Variants in SLC2A9 observed in about 807,000 individuals in gnomAD.
SLC2A9 encodes solute carrier family 2 member 9.
SLC2A9 carries 39 observed loss-of-function variants against 50.6 expected under a neutral mutation model. The ratio of observed to expected loss-of-function variants is 0.77; its 90% CI spans 0.60 to 1.01. The LOEUF (loss-of-function observed/expected upper bound fraction) is 1.01. Ranked by LOEUF, SLC2A9 falls within the 50% of genes least tolerant of loss-of-function variation. SLC2A9 has a pLI of 0.00. For synonymous variants in SLC2A9, 324 were observed against 276.9 expected (o/e 1.17, Z -1.69); for missense variants, 686 against 677.6 (o/e 1.01, Z -0.14).
At chr4:9,941,806 A>G in intron 6 of SLC2A9, 107 bp downstream of exon 6, 1 of 1,509,776 alleles carries the variant, frequency 6.6e-7, no homozygotes, top group Non-Finnish European at 9.1e-7. Context: ...GCAAAAAGGA[A>G]CAATGACAAC....
At chr4:9,997,781 G>GA (rs58145141) in intron 2 of SLC2A9, among the ~76,000 whole-genome samples, 34,243 of 148,890 alleles carry the variant, frequency 0.23, 4,387 homozygotes, top group African/African-American at 0.33. Context: ...AGCCATAAAA[G>GA]AAAAAAAAAT....
At chr4:9,988,985 A>G (rs921985470) in intron 3 of SLC2A9, among the ~76,000 whole-genome samples, 10 of 152,070 alleles carry the variant, frequency 6.6e-5, no homozygotes, top group African/African-American at 2.4e-4. Context: ...TTTTCATTAA[A>G]CCCTAGTAGA....
intron 1 of SLC2A9, among the ~76,000 whole-genome samples, chr4:10,033,235 AT>A (rs1763991212): frequency 6.6e-6 from 1 of 152,112 alleles, no homozygotes; most frequent in South Asian, 2.1e-4. Context: ...AACAGATGGG[AT>A]AAGTAAGTTA....
At chr4:9,958,943 G>A (rs781210498) in intron 5 of SLC2A9, among the ~76,000 whole-genome samples, 6 of 151,662 alleles carry the variant, frequency 4.0e-5, no homozygotes, top group Admixed American at 6.6e-5. Flanking sequence ...TAAAAACAAT[G>A]ATGGAATTAA....
At chr4:9,960,285 C>T (rs542090451) in intron 5 of SLC2A9, among the ~76,000 whole-genome samples, 84 of 152,320 alleles carry the variant, frequency 5.5e-4, no homozygotes, top group Non-Finnish European at 8.8e-4. Flanking sequence ...GCAAAATAGG[C>T]CTTTCTGCCT....
chr4:9,980,246 A>G (rs1394250082), intron 5 of SLC2A9, among the ~76,000 whole-genome samples: 2 of 152,238 alleles, frequency 1.3e-5, no homozygotes, highest in Non-Finnish European at 2.9e-5. Context: ...CAGGTTGTAG[A>G]ACAATGTGTA....
intron 5 of SLC2A9, among the ~76,000 whole-genome samples, chr4:9,966,600 C>A (rs905720729): frequency 8.9e-6 from 1 of 112,916 alleles, no homozygotes; most frequent in Non-Finnish European, 1.8e-5. Flanking sequence ...GGGTTGAGAG[C>A]CAAGGTCGAG....
intron 2 of SLC2A9, among the ~76,000 whole-genome samples, chr4:9,997,572 C>T (rs1346141163): frequency 6.6e-6 from 1 of 152,074 alleles, no homozygotes; most frequent in Non-Finnish European, 1.5e-5. Context: ...TGGTGGCATG[C>T]ACCTGTAATC....
At chr4:9,790,612 A>T (rs1475804884) in intron 3 of SLC2A9, among the ~76,000 whole-genome samples, 1 of 152,038 alleles carries the variant, frequency 6.6e-6, no homozygotes, top group Non-Finnish European at 1.5e-5. Context: ...GAGGTGGGGG[A>T]TGTGTGAATG....
intron 5 of SLC2A9, among the ~76,000 whole-genome samples, chr4:9,959,404 A>AAG (rs1475879102): frequency 6.6e-6 from 1 of 151,600 alleles, no homozygotes; most frequent in Non-Finnish European, 1.5e-5. Flanking sequence ...TCAAAAAAAA[A>AAG]AAAAAAGAAT....
At chr4:9,776,414 T>C (rs1373338650), downstream of SLC2A9, among the ~76,000 whole-genome samples, 2 of 151,950 alleles carry the variant, frequency 1.3e-5, no homozygotes, top group Non-Finnish European at 2.9e-5. Flanking sequence ...GAGGAAAATA[T>C]TTTCCTGCCA....
At chr4:9,879,956 T>C in intron 10 of SLC2A9, 1 of 985,446 alleles carries the variant, frequency 1.0e-6, no homozygotes, top group South Asian at 4.7e-5. Context: ...TTGTCAAGTC[T>C]TCTTACATCG....
At chr4:9,867,938 T>A (rs1265974277) in intron 10 of SLC2A9, among the ~76,000 whole-genome samples, 1 of 151,802 alleles carries the variant, frequency 6.6e-6, no homozygotes, top group Non-Finnish European at 1.5e-5. Context: ...CCCGAGGCCC[T>A]GGAATGCACT....
intron 5 of SLC2A9, among the ~76,000 whole-genome samples, chr4:9,957,788 T>G (rs949955580): frequency 6.6e-6 from 1 of 151,858 alleles, no homozygotes; most frequent in Non-Finnish European, 1.5e-5. Context: ...GGACAGAAAA[T>G]ACTAAAATCA....
intron 2 of SLC2A9, among the ~76,000 whole-genome samples, chr4:10,017,084 T>C (rs1430524603): frequency 1.3e-5 from 2 of 152,224 alleles, no homozygotes; most frequent in Non-Finnish European, 2.9e-5. Context: ...ACATCCCTCA[T>C]GACTCAGCTC....
At chr4:9,805,672 C>T (rs796299848) in intron 3 of SLC2A9, among the ~76,000 whole-genome samples, 24 of 143,586 alleles carry the variant, frequency 1.7e-4, no homozygotes, top group East Asian at 4.2e-4. Flanking sequence ...CTTCAGCCTG[C>T]GCAGCAGGGT....
intron 10 of SLC2A9, among the ~76,000 whole-genome samples, chr4:9,868,100 A>G (rs1732803853): frequency 6.6e-6 from 1 of 152,150 alleles, no homozygotes; most frequent in Admixed American, 6.5e-5. Context: ...TTTGCGCCTG[A>G]CCCGGGATAG....
At chr4:9,932,606 G>A (rs1746348383) in intron 6 of SLC2A9, among the ~76,000 whole-genome samples, 1 of 152,248 alleles carries the variant, frequency 6.6e-6, no homozygotes, top group Non-Finnish European at 1.5e-5. Flanking sequence ...TAAAGGAAGT[G>A]AGGGAGGTGT....
intron 5 of SLC2A9, among the ~76,000 whole-genome samples, chr4:9,965,697 A>G (rs909500714): frequency 6.6e-6 from 1 of 152,192 alleles, no homozygotes; most frequent in African/African-American, 2.4e-5. Flanking sequence ...ATCTGTATTC[A>G]TTTGTGTGTT....
Sources: allele counts gnomAD v4.1 joint callset (sites outside exome capture counted in the v4.1 genomes callset), GRCh38; gene constraint gnomAD v4.1.1; transcripts MANE v1.5; gene names NCBI Gene and HGNC (gene_info 2026-07-23, HGNC 2026-07-21).